The following EPHA5 variants were observed in gnomAD, a reference collection of about 807,000 sequenced individuals.
The protein encoded by EPHA5 is EPH receptor A5, also known as ephrin type-A receptor 5.
Under a neutral mutation model 105.0 loss-of-function variants are expected in EPHA5, and 60 were observed. The observed-to-expected ratio is 0.57, with a 90% CI of 0.46 to 0.71. The LOEUF is 0.71. EPHA5 is among the 30% of genes least tolerant of loss of function. EPHA5 has a pLI of 0.00. For missense variants in EPHA5, 1,218 were observed against 1,274.7 expected (o/e 0.96, Z 0.68); for synonymous variants, 513 against 449.1 (o/e 1.14, Z -1.80).
intron 2 of EPHA5, among the ~76,000 whole-genome samples, chr4:65,609,403 T>C (rs1744552402): frequency 6.6e-6 from 1 of 152,172 alleles, no homozygotes; most frequent in African/African-American, 2.4e-5. Context: ...TAATTTTCTG[T>C]GTATGAAATA....
chr4:65,333,539 CTGTGTGTGTGTGTGTGTGT>C (rs1720870746), intron 15 of EPHA5, among the ~76,000 whole-genome samples: 2 of 111,838 alleles, frequency 1.8e-5, no homozygotes, highest in Admixed American at 1.8e-4. Context: ...GAGTGTGTGT[CTGTGTGTGTGTGTGTGTGT>C]GTGTGTGTGT....
intron 2 of EPHA5, among the ~76,000 whole-genome samples, chr4:65,641,981 A>G (rs1485385398): frequency 1.3e-5 from 2 of 152,136 alleles, no homozygotes; most frequent in Non-Finnish European, 2.9e-5. Context: ...CTTCAAATGT[A>G]TAGTTGCAAC....
At chr4:65,637,596 A>ATATT (rs1315526696) in intron 2 of EPHA5, among the ~76,000 whole-genome samples, 2 of 145,080 alleles carry the variant, frequency 1.4e-5, no homozygotes, top group East Asian at 3.9e-4. Context: ...ATATATATAT[A>ATATT]TACGTATATG....
At chr4:65,408,847 C>T (rs926867293) in intron 7 of EPHA5, among the ~76,000 whole-genome samples, 7 of 151,788 alleles carry the variant, frequency 4.6e-5, no homozygotes, top group Admixed American at 3.3e-4. Context: ...TGGGTATATA[C>T]CCAAAGGACT....
At chr4:65,553,113 C>G (rs923891904) in intron 3 of EPHA5, among the ~76,000 whole-genome samples, 3 of 152,030 alleles carry the variant, frequency 2.0e-5, no homozygotes, top group African/African-American at 4.8e-5. Context: ...ATTAATACTT[C>G]TCTGAGTGGG....
Position 65,510,431 on chromosome 4 carries a change from T to G in EPHA5, c.911-14888A>C, listed in dbSNP as rs184218545. On this transcript the variant is annotated intron_variant, in intron 3 of 16. Transcript: ENST00000613740. ...ATATGCCTGTTCCTAGCTCTTCCAGTCCATGTAATCACACAGTATCTTCTC... is the reference window on the plus strand; with the variant it reads ...ATATGCCTGTTCCTAGCTCTTCCAGGCCATGTAATCACACAGTATCTTCTC... 9.2e-5 allele frequency among the ~76,000 whole-genome samples: 14 copies of G among 152,276 alleles called. No individual in the cohort carries two copies. The East Asian group carries it at 2.3e-3, about 25-fold the overall frequency.
rs71205367 is a variant in EPHA5, at chr4:65,456,723, TACAC to T, written c.1402+33650_1402+33653del. Among the ~76,000 whole-genome samples, 256 of 151,336 alleles carry T rather than the reference TACAC, an allele frequency of 1.7e-3. 1 individual carries two copies. Among genetic ancestry groups the T allele is most frequent in the African/African-American group, 5.4e-3 (221 of 41,304 alleles). On this transcript the variant is annotated intron_variant, in intron 5 of 16. Coordinates refer to ENST00000613740, the MANE Select transcript of EPHA5 (RefSeq NM_001281766.3). The stretch of plus-strand genomic sequence containing the variant: ...GGAAAAATCATACAAAATAAACATA[TACAC>T]ACACACACACACACATACACATTGC...
chr4:65,643,215 T>C, intron 2 of EPHA5, 148 bp downstream of exon 2: 1 of 500,494 alleles, frequency 2.0e-6, no homozygotes, highest in Non-Finnish European at 3.6e-6. Flanking sequence ...ATTAGAGTTA[T>C]TTGAAGTCCC....
In EPHA5 at chr4:65,669,814, A is replaced by G. The variant is rs1750310843; in HGVS notation, c.-72T>C. 1 of 1,233,880 alleles carries G rather than the reference A, an allele frequency of 8.1e-7. No homozygotes were observed. Among genetic ancestry groups the G allele is most frequent in the Non-Finnish European group, 1.0e-6 (1 of 989,130 alleles). The allele number at this position is 1,233,880 out of a possible 1,614,324, so 76.4% of individuals were successfully genotyped here. On this transcript the variant is annotated 5_prime_UTR_variant, in exon 1 of 17. Transcript: ENST00000613740. Reference sequence around the variant, plus strand: ...ACCGCTTCGGCCTCGCAGAGCGGCGAAGGGAGACTCGGGAGTCCTCCTTGT... The same window carrying G: ...ACCGCTTCGGCCTCGCAGAGCGGCGGAGGGAGACTCGGGAGTCCTCCTTGT...
At chr4:65,356,760 C>T (rs771893661) in intron 11 of EPHA5, among the ~76,000 whole-genome samples, 1 of 151,462 alleles carries the variant, frequency 6.6e-6, no homozygotes, top group Non-Finnish European at 1.5e-5. Context: ...ATTCTTCATG[C>T]GTGAGTCATT....
chr4:65,460,489 C>A (rs1728019991), intron 5 of EPHA5, among the ~76,000 whole-genome samples: 1 of 149,794 alleles, frequency 6.7e-6, no homozygotes, highest in South Asian at 2.1e-4. Flanking sequence ...AGTTTTGTGC[C>A]TGGAATATAC....
At chr4:65,435,938 T>G (rs1725436530) in intron 5 of EPHA5, among the ~76,000 whole-genome samples, 1 of 151,688 alleles carries the variant, frequency 6.6e-6, no homozygotes, top group East Asian at 1.9e-4. Context: ...TTAAATATGA[T>G]TTTTTTCTTC....
chr4:65,454,388 T>C (rs1446339099), intron 5 of EPHA5, among the ~76,000 whole-genome samples: 2 of 152,154 alleles, frequency 1.3e-5, no homozygotes, highest in African/African-American at 4.8e-5. Context: ...AAAAATCTTT[T>C]TAGTTGTGTA....
intron 16 of EPHA5, among the ~76,000 whole-genome samples, chr4:65,329,099 A>C (rs1720356913): frequency 6.6e-6 from 1 of 151,374 alleles, no homozygotes; most frequent in South Asian, 2.1e-4. Context: ...TCTGTCCTTA[A>C]CTGAAATGTT....
chr4:65,403,764 T>A (rs1365940429), intron 8 of EPHA5, among the ~76,000 whole-genome samples: 1 of 152,140 alleles, frequency 6.6e-6, no homozygotes. Flanking sequence ...TAATATATTA[T>A]ATATTCATGT....
At chr4:65,412,622 CTACTT>C (rs1416306463) in intron 7 of EPHA5, among the ~76,000 whole-genome samples, 2 of 152,072 alleles carry the variant, frequency 1.3e-5, no homozygotes, top group Non-Finnish European at 2.9e-5. Context: ...ATGCTACAAT[CTACTT>C]CAGTAATAAA....
At chr4:65,531,321 G>A (rs1039878082) in intron 3 of EPHA5, among the ~76,000 whole-genome samples, 2 of 152,140 alleles carry the variant, frequency 1.3e-5, no homozygotes, top group Non-Finnish European at 2.9e-5. Context: ...ACAGGCGTGA[G>A]CCACCGCGCC....
At chr4:65,333,522 CGTGTGAGAGTGTGTGTCT>C (rs891513614) in intron 15 of EPHA5, among the ~76,000 whole-genome samples, 1 of 125,102 alleles carries the variant, frequency 8.0e-6, no homozygotes, top group South Asian at 2.8e-4. Context: ...TGTGCGTGTG[CGTGTGAGAGTGTGTGTCT>C]GTGTGTGTGT....
intron 3 of EPHA5, among the ~76,000 whole-genome samples, chr4:65,576,053 AGAAAGAAAAG>A (rs1740929652): frequency 1.3e-5 from 1 of 75,340 alleles, no homozygotes; most frequent in African/African-American, 5.2e-5. Flanking sequence ...AAAGAAAGAA[AGAAAGAAAAG>A]AAAAGAAAAG....
Sources: allele counts gnomAD v4.1 joint callset (sites outside exome capture counted in the v4.1 genomes callset), GRCh38; gene constraint gnomAD v4.1.1; transcripts MANE v1.5; gene names NCBI Gene and HGNC (gene_info 2026-07-23, HGNC 2026-07-21).